Variants in RBMS3 observed in about 807,000 individuals in gnomAD.
RBMS3 encodes the protein RNA binding motif single stranded interacting protein 3.
RBMS3 carries 27 observed loss-of-function variants against 66.8 expected under a neutral mutation model. The ratio of observed to expected loss-of-function variants is 0.40; its 90% CI spans 0.30 to 0.56. The LOEUF (loss-of-function observed/expected upper bound fraction) is 0.56. Among genes scored for constraint, RBMS3 ranks in the 20% least tolerant of loss-of-function variants. RBMS3 has a pLI of 0.40. For synonymous variants in RBMS3, 188 were observed against 183.0 expected, an observed-to-expected ratio of 1.03 and a Z score of -0.22; for missense variants, 513 against 549.5, an observed-to-expected ratio of 0.93 and a Z score of 0.66.
intron 6 of RBMS3, among the ~76,000 whole-genome samples, chr3:29,783,810 C>T (rs2056725219): frequency 6.6e-6 from 1 of 152,000 alleles, no homozygotes; most frequent in African/African-American, 2.4e-5. Context: ...ACTCATCTAA[C>T]ATATAAGGCC....
chr3:29,765,133 A>C (rs2149386353), intron 6 of RBMS3, among the ~76,000 whole-genome samples: 1 of 152,168 alleles, frequency 6.6e-6, no homozygotes, highest in South Asian at 2.1e-4. Context: ...TAGGTGTGGA[A>C]GAAAAGAGGA....
At chr3:29,433,378 T>C (rs1559357309) in intron 1 of RBMS3, among the ~76,000 whole-genome samples, 1 of 152,158 alleles carries the variant, frequency 6.6e-6, no homozygotes, top group East Asian at 1.9e-4. Context: ...GCTTATTTTG[T>C]TTTTGGGTAG....
chr3:29,366,993 A>G (rs2037946327), intron 1 of RBMS3, among the ~76,000 whole-genome samples: 1 of 152,228 alleles, frequency 6.6e-6, no homozygotes, highest in African/African-American at 2.4e-5. Flanking sequence ...AAAATATTAT[A>G]TAGAACACAA....
chr3:29,486,924 C>T (rs7647686), intron 2 of RBMS3, among the ~76,000 whole-genome samples: 31,495 of 151,872 alleles, frequency 0.21, 4,387 homozygotes, highest in African/African-American at 0.39. Flanking sequence ...TCTAATTTTT[C>T]TTTCTTTTTC....
chr3:29,677,580 C>G (rs1038640438), intron 4 of RBMS3, among the ~76,000 whole-genome samples: 1 of 152,082 alleles, frequency 6.6e-6, no homozygotes, highest in Non-Finnish European at 1.5e-5. Context: ...AGTATCTATT[C>G]AAACGCTCAT....
intron 2 of RBMS3, among the ~76,000 whole-genome samples, chr3:29,451,834 C>T (rs1483975739): frequency 6.6e-6 from 1 of 152,168 alleles, no homozygotes; most frequent in African/African-American, 2.4e-5. Flanking sequence ...AGAAAGTTTC[C>T]AAGCATACCA....
chr3:29,626,141 T>C (rs1164420715), intron 4 of RBMS3, among the ~76,000 whole-genome samples: 1 of 152,196 alleles, frequency 6.6e-6, no homozygotes, highest in Admixed American at 6.5e-5. Flanking sequence ...CTGGAAACAA[T>C]GCATCATGTA....
chr3:29,564,069 GA>G (rs2046652631), intron 3 of RBMS3, among the ~76,000 whole-genome samples: 1 of 151,594 alleles, frequency 6.6e-6, no homozygotes, highest in African/African-American at 2.4e-5. Context: ...AGAAAGAAAA[GA>G]AGGAAAGAAA....
intron 4 of RBMS3, among the ~76,000 whole-genome samples, chr3:29,670,325 C>T (rs1302464723): frequency 6.6e-6 from 1 of 152,126 alleles, no homozygotes; most frequent in African/African-American, 2.4e-5. Flanking sequence ...CAGTCTATAG[C>T]TCCCAGCATG....
chr3:29,983,451 G>C (rs1259236512), intron 12 of RBMS3, among the ~76,000 whole-genome samples: 2 of 152,110 alleles, frequency 1.3e-5, no homozygotes, highest in Admixed American at 6.5e-5. Context: ...ATTTGATCCT[G>C]TCATTATGAT....
Position 29,908,146 on chromosome 3 carries a change from G to A in RBMS3, c.939+8391G>A, listed in dbSNP as rs566128409. On this transcript the variant is annotated intron_variant, in intron 10 of 14. Transcript: ENST00000383767. ...CATGCCTATAGTCCCAGCTACTTGGGAAGCTGAGGTGGGAGGATTGTTTGA... is the reference window on the plus strand; with the variant it reads ...CATGCCTATAGTCCCAGCTACTTGGAAAGCTGAGGTGGGAGGATTGTTTGA... Among the ~76,000 whole-genome samples the A allele has an allele frequency of 3.9e-5, 6 of 152,024 alleles. No homozygotes were observed. In the South Asian group the frequency reaches 1.2e-3, roughly 31 times the overall value.
chr3:29,927,580 C>T (rs2060974048), intron 10 of RBMS3, among the ~76,000 whole-genome samples: 1 of 152,050 alleles, frequency 6.6e-6, no homozygotes, highest in Non-Finnish European at 1.5e-5. Context: ...GAGTTATTCC[C>T]CAGAATTTAG....
Position 29,577,514 on chromosome 3 carries a change from C to A in RBMS3, c.308-9600C>A, listed in dbSNP as rs117224054. Among the ~76,000 whole-genome samples the A allele has an allele frequency of 2.0e-4, 30 of 152,276 alleles. No individual in the cohort carries two copies. In the East Asian group the frequency reaches 5.4e-3, roughly 27 times the overall value. On this transcript the variant is annotated intron_variant, in intron 3 of 14. Transcript: ENST00000383767. ...GTTGCAGTCCCTGTGCCCTTGACTG[C>A]CTTTCAGAGTTTACCTAGGTCCCCA... is the stretch of plus-strand genomic sequence containing the variant.
chr3:29,856,175 G>T (rs1383528855), intron 6 of RBMS3, among the ~76,000 whole-genome samples: 1 of 152,186 alleles, frequency 6.6e-6, no homozygotes, highest in African/African-American at 2.4e-5. Flanking sequence ...CACAACACCT[G>T]ATATATAGCC....
At chr3:29,369,762 A>G (rs1371517943) in intron 1 of RBMS3, among the ~76,000 whole-genome samples, 1 of 152,162 alleles carries the variant, frequency 6.6e-6, no homozygotes, top group Non-Finnish European at 1.5e-5. Context: ...CTAGAAATAA[A>G]TGTAGCTAAA....
intron 1 of RBMS3, among the ~76,000 whole-genome samples, chr3:29,434,050 G>A (rs1655972908): frequency 6.6e-6 from 1 of 152,172 alleles, no homozygotes; most frequent in Admixed American, 6.5e-5. Flanking sequence ...TAATTATCCT[G>A]TCCAGATGGT....
intron 3 of RBMS3, among the ~76,000 whole-genome samples, chr3:29,571,669 T>C (rs1236186632): frequency 1.3e-5 from 2 of 152,182 alleles, no homozygotes; most frequent in African/African-American, 4.8e-5. Context: ...CTGTTTTGGT[T>C]ACTATAGCTC....
At chr3:29,732,089 C>T (rs1182182348) in intron 4 of RBMS3, among the ~76,000 whole-genome samples, 2 of 152,102 alleles carry the variant, frequency 1.3e-5, no homozygotes, top group African/African-American at 4.8e-5. Flanking sequence ...TCTTACCCCT[C>T]CCCTCTTTAT....
chr3:29,501,922 G>A (rs144910559), intron 3 of RBMS3, among the ~76,000 whole-genome samples: 134 of 152,032 alleles, frequency 8.8e-4, no homozygotes, highest in African/African-American at 3.1e-3. Flanking sequence ...AATGGTTCGC[G>A]GTAGTTATGG....
Sources: gnomAD v4.1 joint callset for allele counts (sites outside exome capture counted in the v4.1 genomes callset) on GRCh38, gnomAD v4.1.1 for gene constraint, MANE v1.5 for transcripts, NCBI Gene and HGNC (gene_info 2026-07-23, HGNC 2026-07-21) for gene names.